Variants in GRK7 observed in about 807,000 individuals in gnomAD.
The protein encoded by GRK7 is G protein-coupled receptor kinase 7.
A neutral mutation model predicts 34.1 loss-of-function variants in GRK7; 24 were observed. The ratio of observed to expected loss-of-function variants is 0.70; its 90% CI spans 0.51 to 0.99. The LOEUF is 0.99. Ranked by LOEUF, GRK7 falls within the 50% of genes least tolerant of loss-of-function variation. The probability of loss-of-function intolerance (pLI) is 0.00; values close to 1 mark genes in which losing one functional copy is unlikely to be tolerated. For missense variants in GRK7, 644 were observed against 707.3 expected (o/e 0.91, Z 1.02); for synonymous variants, 256 against 279.4 (o/e 0.92, Z 0.84).
At chr3:141,766,112 T>G (rs2084579378) in intron 1 of GRK7, among the ~76,000 whole-genome samples, 1 of 151,860 alleles carries the variant, frequency 6.6e-6, no homozygotes. Context: ...TTCTTTAACA[T>G]AACTCCCTCT....
chr3:141,762,859 C>T (rs551695416), upstream of GRK7, among the ~76,000 whole-genome samples: 35 of 152,328 alleles, frequency 2.3e-4, no homozygotes, highest in East Asian at 4.8e-3. Context: ...GTCTGAAAAG[C>T]GCAATATTCG....
intron 4 of GRK7, among the ~76,000 whole-genome samples, chr3:141,793,966 C>A (rs2084737728): frequency 2.0e-5 from 3 of 152,164 alleles, no homozygotes; most frequent in African/African-American, 7.2e-5. Flanking sequence ...ACCCAGGGCT[C>A]CAACCCACGA....
rs1346750703 is a variant in GRK7, at chr3:141,780,672, T to C, written c.911T>C (p.Met304Thr). Reference protein sequence around the residue: ...IFYSAQIACGMLHLHELGIVY... With the variant: ...IFYSAQIACGTLHLHELGIVY... The stretch of plus-strand genomic sequence containing the variant: ...TACTCGGCCCAGATAGCCTGTGGGA[T>C]GCTGCACCTCCATGAACTCGGCATC... The change falls in exon 4 of 6, where the codon ATG becomes ACG. Residue 304 changes from methionine to threonine, a missense_variant. Coordinates refer to ENST00000682958, the MANE Select transcript of GRK7 (RefSeq NM_139209.3). 1 of 1,614,232 alleles carries C rather than the reference T, an allele frequency of 6.2e-7. No individual in the cohort carries two copies. Among genetic ancestry groups the C allele is most frequent in the Non-Finnish European group, 8.5e-7 (1 of 1,180,042 alleles).
intron 4 of GRK7, among the ~76,000 whole-genome samples, chr3:141,790,933 G>A (rs926656927): frequency 2.0e-5 from 3 of 152,216 alleles, no homozygotes; most frequent in Non-Finnish European, 4.4e-5. Context: ...TGCACACAGT[G>A]AAACTAGTTT....
At chr3:141,772,876 TAATCCCAGC>T (rs1309520210) in intron 1 of GRK7, among the ~76,000 whole-genome samples, 1 of 152,182 alleles carries the variant, frequency 6.6e-6, no homozygotes, top group Non-Finnish European at 1.5e-5. Context: ...CTCATGCCTG[TAATCCCAGC>T]ACTTTGGGAG....
intron 4 of GRK7, among the ~76,000 whole-genome samples, chr3:141,797,801 C>T (rs373162758): frequency 4.0e-5 from 6 of 150,166 alleles, no homozygotes; most frequent in African/African-American, 1.5e-4. Context: ...ACGGCCGTTT[C>T]TTTTGATAGT....
chr3:141,816,639 A>C, intron 5 of GRK7, 75 bp from the exon 6 acceptor site: 1 of 784,242 alleles, frequency 1.3e-6, no homozygotes, highest in Non-Finnish European at 2.0e-6. Context: ...AATGCTACAC[A>C]CTTTGTATTG....
chr3:141,792,852 G>C (rs2084731216), intron 4 of GRK7, among the ~76,000 whole-genome samples: 1 of 152,190 alleles, frequency 6.6e-6, no homozygotes, highest in Non-Finnish European at 1.5e-5. Context: ...TAGAGGGTTA[G>C]GACTTTCAGC....
At chr3:141,812,851 GC>G (rs1324389350) in intron 5 of GRK7, among the ~76,000 whole-genome samples, 49 of 152,076 alleles carry the variant, frequency 3.2e-4, no homozygotes, top group Non-Finnish European at 5.1e-4. Flanking sequence ...GGTTTTAAGG[GC>G]CCTTTTGACA....
At chr3:141,772,342 C>A (rs1310543020) in intron 1 of GRK7, among the ~76,000 whole-genome samples, 1 of 152,140 alleles carries the variant, frequency 6.6e-6, no homozygotes, top group African/African-American at 2.4e-5. Context: ...ATCCGCCCAC[C>A]TTAGCCTCCC....
At chr3:141,767,942 A>C (rs1455684793) in intron 1 of GRK7, among the ~76,000 whole-genome samples, 1 of 152,234 alleles carries the variant, frequency 6.6e-6, no homozygotes, top group African/African-American at 2.4e-5. Flanking sequence ...GACTAGGTAC[A>C]CACTATGATA....
chr3:141,792,511 G>A (rs1031266918), intron 4 of GRK7, among the ~76,000 whole-genome samples: 11 of 151,922 alleles, frequency 7.2e-5, no homozygotes, highest in African/African-American at 2.7e-4. Context: ...AGGAGGATTT[G>A]ACTTAATATG....
chr3:141,762,695 C>T (rs368996959), upstream of GRK7, among the ~76,000 whole-genome samples: 3 of 151,808 alleles, frequency 2.0e-5, no homozygotes, highest in Non-Finnish European at 3.0e-5. Flanking sequence ...TGGGCAATGG[C>T]GGGCGCCCCT....
intron 4 of GRK7, among the ~76,000 whole-genome samples, chr3:141,802,765 C>T (rs569797403): frequency 6.2e-4 from 94 of 152,216 alleles, no homozygotes; most frequent in African/African-American, 2.1e-3. Flanking sequence ...GGCAATATAG[C>T]TCTTCGGATA....
At chr3:141,792,976 T>A (rs988906673) in intron 4 of GRK7, among the ~76,000 whole-genome samples, 10 of 152,238 alleles carry the variant, frequency 6.6e-5, no homozygotes, top group Middle Eastern at 3.4e-3. Flanking sequence ...CGTGGAGGCT[T>A]CCAGGAAGAT....
At chr3:141,779,557 C>T (rs985373080) in intron 3 of GRK7, among the ~76,000 whole-genome samples, 6 of 152,076 alleles carry the variant, frequency 3.9e-5, no homozygotes, top group African/African-American at 1.4e-4. Context: ...TGATATAAAA[C>T]TAACCATTAA....
At chr3:141,812,205 C>T (rs1711099843) in intron 5 of GRK7, among the ~76,000 whole-genome samples, 1 of 152,064 alleles carries the variant, frequency 6.6e-6, no homozygotes, top group African/African-American at 2.4e-5. Flanking sequence ...AGTACGAGAG[C>T]CTCTGTTAAT....
At position 141,819,190 on chromosome 3, in the gene GRK7, T is replaced by C. The variant is rs1464286369; in HGVS notation, c.*2140T>C. On this transcript the variant is annotated 3_prime_UTR_variant, in exon 6 of 6. Transcript: ENST00000682958. ...GTAGAGTTCTCAGGATTGGGCTTTATAGACGTTAGACATTTAAAAACAACA... is the reference window on the plus strand; with the variant it reads ...GTAGAGTTCTCAGGATTGGGCTTTACAGACGTTAGACATTTAAAAACAACA... Among the ~76,000 whole-genome samples, 1 of 152,224 alleles carries C rather than the reference T, an allele frequency of 6.6e-6. No homozygotes were observed. Among genetic ancestry groups the C allele is most frequent in the Non-Finnish European group, 1.5e-5 (1 of 68,038 alleles).
chr3:141,781,823 C>G (rs1189006020), intron 4 of GRK7, among the ~76,000 whole-genome samples: 1 of 152,128 alleles, frequency 6.6e-6, no homozygotes, highest in Non-Finnish European at 1.5e-5. Context: ...GTTAGGTGAA[C>G]GACGGAAAAT....
Sources: gnomAD v4.1 joint callset for allele counts (sites outside exome capture counted in the v4.1 genomes callset) on GRCh38, gnomAD v4.1.1 for gene constraint, MANE v1.5 for transcripts, NCBI Gene and HGNC (gene_info 2026-07-23, HGNC 2026-07-21) for gene names.